MAP3K20: variants seen among roughly 807,000 people sequenced by gnomAD.
MAP3K20 encodes mitogen-activated protein kinase kinase kinase 20.
A neutral mutation model predicts 85.7 loss-of-function variants in MAP3K20; 40 were observed. The observed-to-expected ratio is 0.47, with a 90% CI of 0.36 to 0.61. MAP3K20 has a LOEUF of 0.61. Among genes scored for constraint, MAP3K20 ranks in the 20% least tolerant of loss-of-function variants. The pLI, the probability that MAP3K20 is intolerant of heterozygous loss-of-function variation, is 0.00. For missense variants in MAP3K20, 817 were observed against 961.7 expected, an observed-to-expected ratio of 0.85 and a Z score of 1.99; for synonymous variants, 325 against 327.7, an observed-to-expected ratio of 0.99 and a Z score of 0.09.
At chr2:173,262,757 C>G (rs1685326816) in intron 18 of MAP3K20, among the ~76,000 whole-genome samples, 1 of 152,188 alleles carries the variant, frequency 6.6e-6, no homozygotes, top group Non-Finnish European at 1.5e-5. Flanking sequence ...TATTACTTGT[C>G]AAAGCATTGC....
At chr2:173,100,898 A>T (rs1239867369) in intron 2 of MAP3K20, among the ~76,000 whole-genome samples, 1 of 152,208 alleles carries the variant, frequency 6.6e-6, no homozygotes, top group Non-Finnish European at 1.5e-5. Flanking sequence ...TATGTTGAAT[A>T]GCCATCCATC....
intron 10 of MAP3K20, chr2:173,212,046 G>A (rs1449060335): frequency 5.3e-5 from 8 of 152,134 alleles, no homozygotes; most frequent in Non-Finnish European, 7.3e-5. Context: ...CATTTGCTCC[G>A]TAAATATTTG....
intron 11 of MAP3K20, chr2:173,224,071 T>A: frequency 1.1e-6 from 1 of 920,768 alleles, no homozygotes; most frequent in Non-Finnish European, 1.3e-6. Context: ...TACATGCCAG[T>A]GAGTGAAGAT....
At chr2:173,254,024 T>C (rs1438379428) in intron 16 of MAP3K20, among the ~76,000 whole-genome samples, 5 of 150,124 alleles carry the variant, frequency 3.3e-5, no homozygotes, top group Non-Finnish European at 2.9e-5. Context: ...TGAGCTGAGA[T>C]TGCACCACTG....
At chr2:173,219,840 G>A (rs1289122981) in intron 11 of MAP3K20, among the ~76,000 whole-genome samples, 2 of 152,106 alleles carry the variant, frequency 1.3e-5, no homozygotes, top group East Asian at 1.9e-4. Context: ...AGGCTGAGGG[G>A]GGTGGATCAC....
chr2:173,250,571 G>A (rs1047942771), intron 16 of MAP3K20, among the ~76,000 whole-genome samples: 1 of 152,168 alleles, frequency 6.6e-6, no homozygotes, highest in African/African-American at 2.4e-5. Flanking sequence ...GCCTGCGTTC[G>A]CATGGACACC....
intron 2 of MAP3K20, among the ~76,000 whole-genome samples, chr2:173,148,678 G>A (rs933000674): frequency 3.3e-5 from 5 of 152,192 alleles, no homozygotes; most frequent in African/African-American, 1.2e-4. Flanking sequence ...ACCTCCTGAC[G>A]ATGCCTGGAA....
At chr2:173,115,072 C>A (rs529271657) in intron 2 of MAP3K20, among the ~76,000 whole-genome samples, 4,886 of 152,220 alleles carry the variant, frequency 0.032, 278 homozygotes, top group African/African-American at 0.11. Context: ...TCAGCATAAT[C>A]CCAGACTTCT....
chr2:173,184,243 T>C (rs1368400325), intron 4 of MAP3K20, among the ~76,000 whole-genome samples: 2 of 152,226 alleles, frequency 1.3e-5, no homozygotes, highest in East Asian at 3.8e-4. Flanking sequence ...CTGAGCATTG[T>C]GGAAATACCC....
chr2:173,266,090 G>C lies in MAP3K20; in HGVS notation c.1743G>C (p.Gln581His). ...GGTTAGATACTCTGAGGATGCGGCAGATTGCATCCAACACTTCTTTACAGC... is the reference window on the plus strand; with the variant it reads ...GGTTAGATACTCTGAGGATGCGGCACATTGCATCCAACACTTCTTTACAGC... ...CQWLDTLRMRQIASNTSLQRS... is the reference protein window; with the variant it reads ...CQWLDTLRMRHIASNTSLQRS... The change falls in exon 20 of 20, where the codon CAG becomes CAC. Residue 581 changes from glutamine to histidine, a missense_variant. Gln to His is a conservative substitution (Grantham distance 24). This residue lies in a region of MAP3K20 where 454 missense variants were observed against 476.9 expected (regional missense o/e 0.95). Coordinates refer to ENST00000375213, the MANE Select transcript of MAP3K20 (RefSeq NM_016653.3). The C allele has an allele frequency of 6.3e-7, 1 of 1,598,962 alleles. No individual in the cohort carries two copies. Among genetic ancestry groups the C allele is most frequent in the African/African-American group, 1.3e-5 (1 of 74,812 alleles).
At chr2:173,228,349 T>C (rs1684441055) in intron 11 of MAP3K20, among the ~76,000 whole-genome samples, 1 of 152,086 alleles carries the variant, frequency 6.6e-6, no homozygotes, top group Non-Finnish European at 1.5e-5. Context: ...GGTTTTGCCT[T>C]GTTGCTTCTC....
chr2:173,142,667 A>G (rs1187868758), intron 2 of MAP3K20, among the ~76,000 whole-genome samples: 5 of 152,158 alleles, frequency 3.3e-5, no homozygotes, highest in South Asian at 4.1e-4. Context: ...TAAAAAGCCA[A>G]TGAATGAATG....
chr2:173,258,642 A>G (rs1685213891), intron 16 of MAP3K20, 57 bp from the exon 17 acceptor site: 21 of 991,720 alleles, frequency 2.1e-5, no homozygotes, highest in Non-Finnish European at 3.1e-5. Context: ...AAATATTGAG[A>G]CTAAAAAAAA....
intron 16 of MAP3K20, among the ~76,000 whole-genome samples, chr2:173,249,539 G>C (rs748378231): frequency 6.6e-6 from 1 of 152,054 alleles, no homozygotes; most frequent in Non-Finnish European, 1.5e-5. Context: ...TGGGGTGGGA[G>C]GAGAAGAACC....
At chr2:173,230,249 G>A (rs920848526) in intron 12 of MAP3K20, among the ~76,000 whole-genome samples, 2 of 152,058 alleles carry the variant, frequency 1.3e-5, no homozygotes. Flanking sequence ...AACTATTCCA[G>A]AATACAATAA....
intron 2 of MAP3K20, among the ~76,000 whole-genome samples, chr2:173,157,225 A>G (rs1352933985): frequency 6.6e-6 from 1 of 152,136 alleles, no homozygotes; most frequent in East Asian, 1.9e-4. Flanking sequence ...GTAGTTGAGG[A>G]CTAGAAAGAA....
At chr2:173,254,295 G>T (rs989760847) in intron 16 of MAP3K20, among the ~76,000 whole-genome samples, 12 of 151,610 alleles carry the variant, frequency 7.9e-5, no homozygotes, top group African/African-American at 2.7e-4. Context: ...GGGCGTGGTG[G>T]CGGGCGCCTG....
intron 2 of MAP3K20, among the ~76,000 whole-genome samples, chr2:173,122,191 A>G (rs1169511216): frequency 6.6e-6 from 1 of 152,246 alleles, no homozygotes; most frequent in Non-Finnish European, 1.5e-5. Flanking sequence ...AAAGCGAATC[A>G]CCAAATATAT....
chr2:173,095,902 T>C (rs1687442999), intron 2 of MAP3K20, among the ~76,000 whole-genome samples: 1 of 152,178 alleles, frequency 6.6e-6, no homozygotes, highest in Non-Finnish European at 1.5e-5. Flanking sequence ...CTGTACCTTG[T>C]TTTTCATATT....
Sources: allele counts gnomAD v4.1 joint callset (sites outside exome capture counted in the v4.1 genomes callset), GRCh38; gene constraint gnomAD v4.1.1; regional missense constraint gnomAD v4.1.1; transcripts MANE v1.5; gene names NCBI Gene and HGNC (gene_info 2026-07-23, HGNC 2026-07-21).